Variants in MPPED2 observed in about 807,000 individuals in gnomAD.
MPPED2 encodes the protein metallophosphoesterase MPPED2.
A neutral mutation model predicts 33.0 loss-of-function variants in MPPED2; 5 were observed. The ratio of observed to expected loss-of-function variants is 0.15; its 90% CI spans 0.08 to 0.32. MPPED2 has a LOEUF of 0.32. Among genes scored for constraint, MPPED2 ranks in the 10% least tolerant of loss-of-function variants. MPPED2 has a pLI of 1.00. For missense variants in MPPED2, 275 were observed against 372.1 expected (o/e 0.74, Z 2.15); for synonymous variants, 136 against 141.9 (o/e 0.96, Z 0.29).
At chr11:30,483,556 A>G (rs1378943539) in intron 4 of MPPED2, among the ~76,000 whole-genome samples, 1 of 152,192 alleles carries the variant, frequency 6.6e-6, no homozygotes, top group Non-Finnish European at 1.5e-5. Flanking sequence ...TTTGCCATCA[A>G]TAATTTCTGA....
chr11:30,396,383 T>G (rs2133701915), intron 6 of MPPED2, among the ~76,000 whole-genome samples: 1 of 152,282 alleles, frequency 6.6e-6, no homozygotes, highest in Non-Finnish European at 1.5e-5. Flanking sequence ...CTTAAATTTC[T>G]TACCCTCTAG....
At chr11:30,526,719 G>C (rs933177231) in intron 3 of MPPED2, among the ~76,000 whole-genome samples, 8 of 147,302 alleles carry the variant, frequency 5.4e-5, no homozygotes, top group Middle Eastern at 3.5e-3. Flanking sequence ...AAAAAAAAAG[G>C]CTCCTACCTT....
At chr11:30,572,862 T>C (rs1448993343) in intron 2 of MPPED2, among the ~76,000 whole-genome samples, 2 of 152,160 alleles carry the variant, frequency 1.3e-5, no homozygotes, top group Non-Finnish European at 2.9e-5. Context: ...TTTGTGTTCT[T>C]AATTTTACAT....
intron 3 of MPPED2, among the ~76,000 whole-genome samples, chr11:30,515,023 A>G (rs1953445245): frequency 6.6e-6 from 1 of 152,172 alleles, no homozygotes; most frequent in African/African-American, 2.4e-5. Context: ...TGAATTTGGG[A>G]GGCAGGGGTT....
At chr11:30,429,910 A>G (rs2133838399) in intron 4 of MPPED2, among the ~76,000 whole-genome samples, 1 of 152,146 alleles carries the variant, frequency 6.6e-6, no homozygotes, top group South Asian at 2.1e-4. Flanking sequence ...TTTTTCTCAA[A>G]ATTATTTCCT....
chr11:30,537,631 G>A (rs186630365), intron 2 of MPPED2, among the ~76,000 whole-genome samples: 270 of 152,140 alleles, frequency 1.8e-3, no homozygotes, highest in Non-Finnish European at 2.9e-3. Flanking sequence ...TATCTGTGTC[G>A]GAGAAGGAAA....
intron 2 of MPPED2, among the ~76,000 whole-genome samples, chr11:30,558,870 A>T (rs141885659): frequency 9.2e-5 from 14 of 152,258 alleles, no homozygotes; most frequent in African/African-American, 3.4e-4. Context: ...CTTTTCAAAT[A>T]GTCCACAAAC....
At chr11:30,440,919 A>G (rs1242286419) in intron 4 of MPPED2, among the ~76,000 whole-genome samples, 1 of 152,230 alleles carries the variant, frequency 6.6e-6, no homozygotes, top group Non-Finnish European at 1.5e-5. Context: ...CTGGGCTTAA[A>G]AACGGGTGCT....
chr11:30,449,991 AC>A (rs994628004), intron 4 of MPPED2, among the ~76,000 whole-genome samples: 1 of 151,874 alleles, frequency 6.6e-6, no homozygotes, highest in Admixed American at 6.6e-5. Flanking sequence ...CCCCAAAACC[AC>A]TTTTTTTGGT....
At chr11:30,457,582 G>A (rs1050859651) in intron 4 of MPPED2, among the ~76,000 whole-genome samples, 4 of 152,070 alleles carry the variant, frequency 2.6e-5, no homozygotes, top group African/African-American at 7.2e-5. Flanking sequence ...TCCAGGAATC[G>A]TTACATGTAA....
At chr11:30,580,126 C>G (rs766615766) in intron 2 of MPPED2, 120 bp downstream of exon 2, 22 of 984,104 alleles carry the variant, frequency 2.2e-5, no homozygotes, top group Non-Finnish European at 3.0e-5. Flanking sequence ...AGATATCCAT[C>G]TGATTTGTAA....
At chr11:30,406,218 C>T (rs143662129), downstream of MPPED2, among the ~76,000 whole-genome samples, 193 of 152,292 alleles carry the variant, frequency 1.3e-3, no homozygotes, top group Non-Finnish European at 2.2e-3. Context: ...ATCTTGTTTT[C>T]TCTTCACAGA....
chr11:30,490,010 G>T (rs191530737), intron 4 of MPPED2, among the ~76,000 whole-genome samples: 3 of 151,966 alleles, frequency 2.0e-5, no homozygotes, highest in African/African-American at 4.8e-5. Flanking sequence ...TAAAAAGCTG[G>T]CTACAGATTC....
At chr11:30,533,778 G>A (rs1381023264) in intron 3 of MPPED2, among the ~76,000 whole-genome samples, 2 of 152,104 alleles carry the variant, frequency 1.3e-5, no homozygotes. Context: ...AGATCATAGG[G>A]GAAATAGGAA....
downstream of MPPED2, among the ~76,000 whole-genome samples, chr11:30,406,066 A>C (rs960880070): frequency 1.3e-5 from 2 of 152,176 alleles, no homozygotes; most frequent in South Asian, 4.2e-4. Context: ...AAAAGGTAGA[A>C]ACTGAGCACC....
chr11:30,435,028 T>G lies in MPPED2; in HGVS notation c.537-17395A>C, dbSNP rs4923636. ...CCTTCAAATTTGCTACCCAAGTTTC[T>G]CTGGGGCCAGGACAATGTGTCAGAA... is the stretch of plus-strand genomic sequence containing the variant. On this transcript the variant is annotated intron_variant, in intron 4 of 6. Coordinates refer to ENST00000358117, the MANE Select transcript of MPPED2 (RefSeq NM_001584.3). 0.012 allele frequency among the ~76,000 whole-genome samples: 1,845 copies of G among 152,322 alleles called. 123 individuals are homozygous for G. In the East Asian group the frequency reaches 0.21, roughly 17 times the overall value.
At chr11:30,435,866 T>C (rs541268887) in intron 4 of MPPED2, among the ~76,000 whole-genome samples, 3 of 152,042 alleles carry the variant, frequency 2.0e-5, no homozygotes, top group South Asian at 2.1e-4. Context: ...CATGTTTTTT[T>C]CCCCCTAACA....
At chr11:30,564,170 T>C (rs1956345708) in intron 2 of MPPED2, among the ~76,000 whole-genome samples, 1 of 152,204 alleles carries the variant, frequency 6.6e-6, no homozygotes, top group Non-Finnish European at 1.5e-5. Flanking sequence ...AAGCATTTTG[T>C]ATTTTTAGTG....
At position 30,521,866 on chromosome 11, in the gene MPPED2, C is replaced by A. The variant is rs55767020; in HGVS notation, c.310+14128G>T. Among the ~76,000 whole-genome samples the A allele has an allele frequency of 9.0e-3, 1,377 of 152,256 alleles. 17 individuals are homozygous for A. The highest frequency in any genetic ancestry group is 0.032 in the African/African-American group (1,325 of 41,532). ...AGCTCTGTGACCCAGAGCATGGTGACCTCTCTGAGTTGCAGCATCTGGAGC... is the reference window on the plus strand; with the variant it reads ...AGCTCTGTGACCCAGAGCATGGTGAACTCTCTGAGTTGCAGCATCTGGAGC... On this transcript the variant is annotated intron_variant, in intron 3 of 6. Coordinates refer to ENST00000358117, the MANE Select transcript of MPPED2 (RefSeq NM_001584.3).
Sources: gnomAD v4.1 joint callset for allele counts (sites outside exome capture counted in the v4.1 genomes callset) on GRCh38, gnomAD v4.1.1 for gene constraint, MANE v1.5 for transcripts, NCBI Gene and HGNC (gene_info 2026-07-23, HGNC 2026-07-21) for gene names.